TEKT1: variants seen among roughly 807,000 people sequenced by gnomAD.
TEKT1 encodes the protein tektin 1, also known as tektin-1.
A neutral mutation model predicts 34.8 loss-of-function variants in TEKT1; 32 were observed. The observed-to-expected ratio is 0.92, with a 90% CI of 0.69 to 1.23. TEKT1 has a LOEUF of 1.23. Ranked by LOEUF, TEKT1 falls within the 50% of genes most tolerant of loss-of-function variation. The pLI is 0.00. For synonymous variants in TEKT1, 207 were observed against 199.8 expected (o/e 1.04, Z -0.30); for missense variants, 492 against 518.5 (o/e 0.95, Z 0.50).
In TEKT1 at chr17:6,824,958, A is replaced by C. The variant is rs141318679; in HGVS notation, c.190+5229T>G. ...ATTAGAGCTGAAGATTTCTATTTGC[A>C]AACCAATAACACAAAGAAAATAGTG... is the stretch of plus-strand genomic sequence containing the variant. On this transcript the variant is annotated intron_variant, in intron 2 of 7. Coordinates refer to ENST00000338694, the MANE Select transcript of TEKT1 (RefSeq NM_053285.2). Among the ~76,000 whole-genome samples the C allele has an allele frequency of 2.0e-3, 309 of 152,366 alleles. 5 individuals carry two copies. Among genetic ancestry groups the C allele is most frequent in the African/African-American group, 7.1e-3 (295 of 41,588 alleles).
chr17:6,830,214 A>AT lies in TEKT1; in HGVS notation c.162dup (p.Ser55IlefsTer25). 2.5e-6 allele frequency: 4 copies of AT among 1,609,146 alleles called. No individual in the cohort carries two copies. The highest frequency in any genetic ancestry group is 3.4e-6 in the Non-Finnish European group (4 of 1,179,092). ...AGTTTCTTGTTCACATCGCTTTGAGATTTTCTTGTGGTCTTTTCAATTTCA... is the reference window on the plus strand; with the variant it reads ...AGTTTCTTGTTCACATCGCTTTGAGATTTTTCTTGTGGTCTTTTCAATTTCA... On this transcript the variant is annotated frameshift_variant, in exon 2 of 8. Transcript: ENST00000338694. LOFTEE classifies it high-confidence loss of function.
chr17:6,813,911 T>C (rs914681698), intron 5 of TEKT1, among the ~76,000 whole-genome samples: 2 of 151,284 alleles, frequency 1.3e-5, no homozygotes, highest in African/African-American at 4.9e-5. Flanking sequence ...CTTCTGGGAT[T>C]AGGATATAAA....
intron 2 of TEKT1, among the ~76,000 whole-genome samples, chr17:6,828,540 G>A (rs1247735157): frequency 6.6e-6 from 1 of 152,116 alleles, no homozygotes; most frequent in East Asian, 1.9e-4. Context: ...GGACAATCAG[G>A]CAACACTGGG....
At chr17:6,819,403 G>A in intron 2 of TEKT1, 45 bp from the exon 3 acceptor site, 1 of 1,547,154 alleles carries the variant, frequency 6.5e-7, no homozygotes, top group Non-Finnish European at 8.7e-7. Context: ...CTATCCCAAG[G>A]TAGCCAACAT....
chr17:6,806,874 A>G (rs1028091709), intron 6 of TEKT1, among the ~76,000 whole-genome samples: 12 of 152,070 alleles, frequency 7.9e-5, no homozygotes, highest in Non-Finnish European at 1.6e-4. Context: ...TGGGTAACCC[A>G]ACCTTTCTCT....
intron 6 of TEKT1, among the ~76,000 whole-genome samples, chr17:6,809,073 C>G (rs1297154465): frequency 6.6e-6 from 1 of 152,052 alleles, no homozygotes. Flanking sequence ...TGCTTTCTCC[C>G]CCCATCCAGG....
intron 6 of TEKT1, among the ~76,000 whole-genome samples, chr17:6,804,062 T>C (rs2151581967): frequency 6.6e-6 from 1 of 152,322 alleles, no homozygotes; most frequent in Admixed American, 6.5e-5. Context: ...GTATGGCCAT[T>C]TTCATAATAT....
chr17:6,808,068 G>T (rs1976870679), intron 6 of TEKT1, among the ~76,000 whole-genome samples: 1 of 152,322 alleles, frequency 6.6e-6, no homozygotes, highest in African/African-American at 2.4e-5. Context: ...CCCAGAGGTG[G>T]AGTCTACAGA....
At chr17:6,802,079 A>G (rs1421338106) in intron 6 of TEKT1, among the ~76,000 whole-genome samples, 2 of 152,190 alleles carry the variant, frequency 1.3e-5, no homozygotes, top group African/African-American at 4.8e-5. Flanking sequence ...TTATCACACC[A>G]AAAAAGAGAC....
In TEKT1 at chr17:6,811,528, T is replaced by C. The variant is rs189556872; in HGVS notation, c.852+1303A>G. On this transcript the variant is annotated intron_variant, in intron 6 of 7. Transcript: ENST00000338694. The surrounding 1 kb of genome is among the most constrained non-coding windows in gnomAD (Gnocchi z 4.4). ...AAACCCAAGATGTCTGGCTCTGACG[T>C]CTACCCATTTCCACTAGGCTCGTCT... Among the ~76,000 whole-genome samples, 26 of 152,164 alleles carry C rather than the reference T, an allele frequency of 1.7e-4. No homozygotes were observed. Among genetic ancestry groups the C allele is most frequent in the Middle Eastern group, 3.4e-3 (1 of 294 alleles).
intron 6 of TEKT1, among the ~76,000 whole-genome samples, chr17:6,804,369 A>G (rs1347774036): frequency 4.6e-5 from 7 of 152,072 alleles, no homozygotes; most frequent in Admixed American, 3.9e-4. Context: ...GGCTGAGACA[A>G]TGGGGTTTTC....
At chr17:6,817,677 T>G (rs1977024973) in intron 3 of TEKT1, among the ~76,000 whole-genome samples, 1 of 152,178 alleles carries the variant, frequency 6.6e-6, no homozygotes, top group African/African-American at 2.4e-5. Context: ...ACCTGCATGA[T>G]AGTGCTTGGA....
chr17:6,801,188 G>A (rs886828289), intron 6 of TEKT1, among the ~76,000 whole-genome samples: 1 of 152,188 alleles, frequency 6.6e-6, no homozygotes, highest in South Asian at 2.1e-4. Flanking sequence ...CTACCCACAG[G>A]AGATGCCCTC....
In TEKT1 at chr17:6,800,790, T is replaced by C; in HGVS notation, c.1006A>G (p.Arg336Gly). Residue 336 changes from arginine (R) to glycine (G), a missense_variant, in exon 7 of 8, where the codon AGG becomes GGG. Physicochemically the swap from Arg to Gly is moderately radical, Grantham distance 125. Coordinates refer to ENST00000338694, the MANE Select transcript of TEKT1 (RefSeq NM_053285.2). ...ATCTCTTGAACCTCCTTCATTAGCC[T>C]ATATTGTGCGACATCACGACACAGC... ...VELCRDVAQY[R>G]LMKEVQEITH... is the part of the protein sequence containing the mutation. The C allele has an allele frequency of 6.2e-7, 1 of 1,614,166 alleles. No individual in the cohort carries two copies. The highest frequency in any genetic ancestry group is 8.5e-7 in the Non-Finnish European group (1 of 1,180,022).
At chr17:6,804,716 A>C (rs1478631551) in intron 6 of TEKT1, among the ~76,000 whole-genome samples, 1 of 152,218 alleles carries the variant, frequency 6.6e-6, no homozygotes, top group Non-Finnish European at 1.5e-5. Flanking sequence ...CTATTGAGAT[A>C]ATCATATGGT....
chr17:6,802,571 T>C (rs1976789899), intron 6 of TEKT1, among the ~76,000 whole-genome samples: 1 of 152,082 alleles, frequency 6.6e-6, no homozygotes, highest in Admixed American at 6.6e-5. Flanking sequence ...CATGTTGGTG[T>C]GCTGCACCCA....
intron 1 of TEKT1, 150 bp from the exon 2 acceptor site, chr17:6,830,543 C>T (rs1904548628): frequency 1.7e-6 from 1 of 601,600 alleles, no homozygotes; most frequent in African/African-American, 2.0e-5. Context: ...GCACCCAAAC[C>T]AAGAAACAAG....
chr17:6,828,405 C>T (rs1904471524), intron 2 of TEKT1, among the ~76,000 whole-genome samples: 1 of 152,196 alleles, frequency 6.6e-6, no homozygotes, highest in Non-Finnish European at 1.5e-5. Context: ...AACTACAGTC[C>T]TCAGACCAGG....
intron 3 of TEKT1, 32 bp from the exon 4 acceptor site, chr17:6,815,994 C>T: frequency 6.2e-7 from 1 of 1,611,816 alleles, no homozygotes; most frequent in South Asian, 1.1e-5. Flanking sequence ...AGTCAGCCAA[C>T]ACGTGCAACA....
Sources: allele counts gnomAD v4.1 joint callset (sites outside exome capture counted in the v4.1 genomes callset), GRCh38; gene constraint gnomAD v4.1.1; non-coding constraint Gnocchi (gnomAD v3.1); transcripts MANE v1.5; gene names NCBI Gene and HGNC (gene_info 2026-07-23, HGNC 2026-07-21).